ATR: variants seen among roughly 807,000 people sequenced by gnomAD.
ATR encodes the protein ATR checkpoint kinase.
ATR carries 142 observed loss-of-function variants against 305.3 expected under a neutral mutation model. That is an observed-to-expected ratio of 0.47 (90% CI 0.41 to 0.53). The LOEUF is 0.53. Ranked by LOEUF, ATR falls within the 20% of genes least tolerant of loss-of-function variation. The pLI is 0.00. For missense variants in ATR, 2,135 were observed against 3,133.1 expected, an observed-to-expected ratio of 0.68 and a Z score of 7.60; for synonymous variants, 1,050 against 1,068.1, an observed-to-expected ratio of 0.98 and a Z score of 0.33.
At chr3:142,505,617 A>C (rs896217408) in intron 28 of ATR, among the ~76,000 whole-genome samples, 1 of 152,230 alleles carries the variant, frequency 6.6e-6, no homozygotes, top group African/African-American at 2.4e-5. Flanking sequence ...TGTTGAGTAT[A>C]GCTTATAAGA....
intron 23 of ATR, among the ~76,000 whole-genome samples, chr3:142,522,527 T>C (rs925925516): frequency 6.6e-6 from 1 of 152,142 alleles, no homozygotes; most frequent in African/African-American, 2.4e-5. Context: ...TGTATATACA[T>C]ACAAAAATTT....
chr3:142,563,030 A>G lies in ATR; in HGVS notation c.372T>C (p.Cys124=), dbSNP rs780943038. ...PSCHLLHKKI[C]EVICSLLFLF... ...GAAATAATAATGAACAGATGACTTC[A>G]CAGATTTTCTTGTGTAACAAATGAC... Residue 124 remains cysteine, a synonymous_variant, in exon 4 of 47, where the codon TGT becomes TGC. Coordinates refer to ENST00000350721, the MANE Select transcript of ATR (RefSeq NM_001184.4). 1 of 1,599,542 alleles carries G rather than the reference A, an allele frequency of 6.3e-7. No individual in the cohort carries two copies. The highest frequency in any genetic ancestry group is 8.5e-7 in the Non-Finnish European group (1 of 1,175,530).
Position 142,554,031 on chromosome 3 carries a change from A to C in ATR, c.2342-16T>G. The C allele has an allele frequency of 2.6e-6, 4 of 1,567,152 alleles. No homozygotes were observed. Among genetic ancestry groups the C allele is most frequent in the Non-Finnish European group, 3.5e-6 (4 of 1,146,734 alleles). ...TCTATGAAAGCTGAAGGACAAGAGT[A>C]TACAATACCTAATTTAACATATTAA... On this transcript the variant is annotated splice_polypyrimidine_tract_variant and intron_variant, in intron 10 of 46. Coordinates refer to ENST00000350721, the MANE Select transcript of ATR (RefSeq NM_001184.4).
chr3:142,545,582 G>A lies in ATR; in HGVS notation c.3357+2143C>T, dbSNP rs149686724. Reference sequence around the variant, plus strand: ...ATTGAAGGAATTTAATCAGGGGAACGATATGAGTTTGTAAAAAGAGCACTC... The same window carrying A: ...ATTGAAGGAATTTAATCAGGGGAACAATATGAGTTTGTAAAAAGAGCACTC... On this transcript the variant is annotated intron_variant, in intron 16 of 46. Transcript: ENST00000350721. Among the ~76,000 whole-genome samples the A allele has an allele frequency of 5.6e-4, 86 of 152,240 alleles. 1 individual carries two copies. In the South Asian group the frequency reaches 8.3e-3, roughly 15 times the overall value.
In ATR at chr3:142,449,340, G is replaced by T; in HGVS notation, c.*89C>A. On this transcript the variant is annotated 3_prime_UTR_variant, in exon 47 of 47. Coordinates refer to ENST00000350721, the MANE Select transcript of ATR (RefSeq NM_001184.4). Reference sequence around the variant, plus strand: ...GTTGCTGAGAACGTAAATTTATGTTGTACTTTAGAATTGAACAGATACAAC... The same window carrying T: ...GTTGCTGAGAACGTAAATTTATGTTTTACTTTAGAATTGAACAGATACAAC... 8.0e-7 allele frequency: 1 copy of T among 1,248,858 alleles called. No homozygotes were observed. Among genetic ancestry groups the T allele is most frequent in the Non-Finnish European group, 1.2e-6 (1 of 865,152 alleles). The allele number at this position is 1,248,858 out of a possible 1,614,324, so 77.4% of individuals were successfully genotyped here. A position where few individuals can be genotyped will look rare whatever the true frequency, so the allele number is the denominator to read the frequency against.
chr3:142,503,142 A>G (rs1460098197), intron 30 of ATR, among the ~76,000 whole-genome samples: 1 of 152,216 alleles, frequency 6.6e-6, no homozygotes, highest in African/African-American at 2.4e-5. Context: ...CTTGTGTTAA[A>G]GCAAATCTAA....
At chr3:142,573,614 C>T (rs887460081) in intron 1 of ATR, among the ~76,000 whole-genome samples, 1 of 151,110 alleles carries the variant, frequency 6.6e-6, no homozygotes, top group African/African-American at 2.4e-5. Flanking sequence ...AGAAATATAA[C>T]GTAAGCCATA....
intron 39 of ATR, among the ~76,000 whole-genome samples, chr3:142,466,940 T>C (rs568717459): frequency 1.3e-5 from 2 of 152,258 alleles, no homozygotes; most frequent in South Asian, 4.1e-4. Flanking sequence ...AGGTTTCAGA[T>C]AAAGAACTGG....
chr3:142,553,152 A>G (rs2034537923), intron 13 of ATR, 75 bp downstream of exon 13: 1 of 1,515,630 alleles, frequency 6.6e-7, no homozygotes, highest in Admixed American at 1.8e-5. Flanking sequence ...TAAAACATGT[A>G]TAAATATTCT....
At chr3:142,451,511 A>T in intron 46 of ATR, 5 of 1,428,872 alleles carry the variant, frequency 3.5e-6, no homozygotes, top group Non-Finnish European at 3.7e-6. Flanking sequence ...GGACCCATAG[A>T]AACAGAAAGA....
At chr3:142,548,236 A>T (rs2034344024) in intron 15 of ATR, among the ~76,000 whole-genome samples, 1 of 152,204 alleles carries the variant, frequency 6.6e-6, no homozygotes, top group Non-Finnish European at 1.5e-5. Flanking sequence ...AATGTAGTAT[A>T]GTGGCTTATA....
chr3:142,512,203 G>C (rs528949947), intron 27 of ATR, 57 bp downstream of exon 27: 5 of 1,384,736 alleles, frequency 3.6e-6, no homozygotes, highest in Non-Finnish European at 5.0e-6. Context: ...AAAGGGAAGA[G>C]CTAATTGGTG....
At chr3:142,575,550 C>A (rs907344466) in intron 1 of ATR, among the ~76,000 whole-genome samples, 1 of 151,998 alleles carries the variant, frequency 6.6e-6, no homozygotes, top group Admixed American at 6.5e-5. Context: ...ACGTGACTAG[C>A]TTCTTTACAC....
At chr3:142,468,195 G>T in intron 38 of ATR, 127 bp from the exon 39 acceptor site, 1 of 1,182,292 alleles carries the variant, frequency 8.5e-7, no homozygotes, top group East Asian at 2.5e-5. Flanking sequence ...CAAATTTTCT[G>T]AAAATTTATT....
At chr3:142,548,634 A>ACTC (rs1356101399) in intron 15 of ATR, among the ~76,000 whole-genome samples, 1 of 150,508 alleles carries the variant, frequency 6.6e-6, no homozygotes, top group Admixed American at 6.7e-5. Context: ...GTGCCACTGC[A>ACTC]CTCCAGCCTG....
rs771869169 is a variant in ATR at position 142,466,419 on chromosome 3, G to T, written c.6802C>A (p.Pro2268Thr). 1 of 1,613,856 alleles carries T rather than the reference G, an allele frequency of 6.2e-7. No homozygotes were observed. The highest frequency in any genetic ancestry group is 8.5e-7 in the Non-Finnish European group (1 of 1,179,800). The change falls in exon 40 of 47, where the codon CCT becomes ACT. Residue 2268 changes from proline to threonine, a missense_variant. By Grantham distance (38) the Pro-to-Thr change is conservative. This residue lies in a region of ATR where 462 missense variants were observed against 887.6 expected (regional missense o/e 0.52). Transcript: ENST00000350721. ...ILIPLQSVMI[P>T]TLPSILGTHA... ...GTACCCAGAATTGATGGAAGTGTAG[G>T]TATCATGACTGATTGTAGAGGAATG... is the stretch of plus-strand genomic sequence containing the variant.
chr3:142,479,727 T>G (rs561280435), intron 36 of ATR, among the ~76,000 whole-genome samples: 1 of 152,352 alleles, frequency 6.6e-6, no homozygotes, highest in East Asian at 1.9e-4. Context: ...GGTACACCAA[T>G]CAGACATAGA....
chr3:142,549,712 T>G (rs1378480921), intron 14 of ATR, 39 bp from the exon 15 acceptor site: 1 of 1,585,770 alleles, frequency 6.3e-7, no homozygotes. Context: ...AGTACATTTG[T>G]CTGGGTGAAA....
Position 142,508,127 on chromosome 3 carries a change from TTGAG to T in ATR, c.4853-22_4853-19del. 2 of 1,595,322 alleles carry T rather than the reference TTGAG, an allele frequency of 1.3e-6. No homozygotes were observed. The highest frequency in any genetic ancestry group is 1.7e-6 in the Non-Finnish European group (2 of 1,169,974). ...AGTAGATACTAGATCATAAAAAAAG[TTGAG>T]TAATTAAAGACTTATAAGATAAAAT... is the stretch of plus-strand genomic sequence containing the variant. On this transcript the variant is annotated intron_variant, in intron 27 of 46. Coordinates refer to ENST00000350721, the MANE Select transcript of ATR (RefSeq NM_001184.4).
Sources: allele counts gnomAD v4.1 joint callset (sites outside exome capture counted in the v4.1 genomes callset), GRCh38; gene constraint gnomAD v4.1.1; regional missense constraint gnomAD v4.1.1; transcripts MANE v1.5; gene names NCBI Gene and HGNC (gene_info 2026-07-23, HGNC 2026-07-21).